DIAPH3: variants seen among roughly 807,000 people sequenced by gnomAD.
The protein encoded by DIAPH3 is diaphanous related formin 3, also known as protein diaphanous homolog 3.
In DIAPH3, 117 loss-of-function variants were observed where a neutral mutation model predicts 144.3. The observed-to-expected ratio is 0.81, with a 90% CI of 0.70 to 0.95. The LOEUF (loss-of-function observed/expected upper bound fraction) is 0.95. Among genes scored for constraint, DIAPH3 ranks in the 40% least tolerant of loss-of-function variants. DIAPH3 has a pLI of 0.00. For synonymous variants in DIAPH3, 519 were observed against 488.9 expected (o/e 1.06, Z -0.81); for missense variants, 1,421 against 1,412.7 (o/e 1.01, Z -0.09).
intron 12 of DIAPH3, among the ~76,000 whole-genome samples, chr13:59,988,782 T>C (rs1461372517): frequency 6.6e-6 from 1 of 151,886 alleles, no homozygotes; most frequent in African/African-American, 2.4e-5. Flanking sequence ...TTATCTCCCA[T>C]GCGCATTTAA....
chr13:60,136,880 C>T (rs1273070284), intron 1 of DIAPH3, among the ~76,000 whole-genome samples: 9 of 151,906 alleles, frequency 5.9e-5, no homozygotes, highest in Non-Finnish European at 1.0e-4. Flanking sequence ...GCGGAGCTTG[C>T]AGTGAGCCGA....
At chr13:59,689,305 G>A (rs1223883113) in intron 27 of DIAPH3, among the ~76,000 whole-genome samples, 1 of 151,768 alleles carries the variant, frequency 6.6e-6, no homozygotes, top group East Asian at 1.9e-4. Context: ...GCCTCCTGCT[G>A]TCCACACCCT....
intron 5 of DIAPH3, among the ~76,000 whole-genome samples, chr13:60,032,197 G>A (rs1220975750): frequency 6.6e-6 from 1 of 152,126 alleles, no homozygotes; most frequent in Non-Finnish European, 1.5e-5. Flanking sequence ...AGTGTCTATA[G>A]CTTTTCCAGG....
intron 25 of DIAPH3, among the ~76,000 whole-genome samples, chr13:59,809,614 T>C (rs1010264249): frequency 6.6e-6 from 1 of 152,124 alleles, no homozygotes; most frequent in Non-Finnish European, 1.5e-5. Flanking sequence ...AAATACTAAA[T>C]CTTTCTGATC....
In DIAPH3 at chr13:59,785,307, G is replaced by A. The variant is rs573133722; in HGVS notation, c.3164-10484C>T. Among the ~76,000 whole-genome samples, 8 of 152,228 alleles carry A rather than the reference G, an allele frequency of 5.3e-5. No individual in the cohort carries two copies. In the South Asian group the frequency reaches 1.7e-3, roughly 32 times the overall value. ...TTCATTAAATATATTTCTGTTACAA[G>A]TTAGGAGAAAAAATTAGAATATTTT... is the stretch of plus-strand genomic sequence containing the variant. On this transcript the variant is annotated intron_variant, in intron 25 of 27. Coordinates refer to ENST00000400324, the MANE Select transcript of DIAPH3 (RefSeq NM_001042517.2).
intron 27 of DIAPH3, among the ~76,000 whole-genome samples, chr13:59,740,760 A>G (rs913972929): frequency 1.3e-5 from 2 of 152,200 alleles, no homozygotes; most frequent in African/African-American, 4.8e-5. Context: ...CACTTGATCT[A>G]TATTAGAGAA....
chr13:59,718,612 G>A (rs2035181583), intron 27 of DIAPH3, among the ~76,000 whole-genome samples: 2 of 152,090 alleles, frequency 1.3e-5, no homozygotes. Flanking sequence ...AAATTGTTAT[G>A]TCTTCTAATA....
At chr13:59,864,889 T>C (rs1035187032) in intron 21 of DIAPH3, among the ~76,000 whole-genome samples, 3 of 152,146 alleles carry the variant, frequency 2.0e-5, no homozygotes, top group Middle Eastern at 3.4e-3. Context: ...ACAATATTCC[T>C]ATCATTTCAA....
chr13:59,732,452 T>C (rs2035935641), intron 27 of DIAPH3, among the ~76,000 whole-genome samples: 1 of 151,452 alleles, frequency 6.6e-6, no homozygotes, highest in South Asian at 2.1e-4. Context: ...TTTGGTACTT[T>C]TTTTTTTTGA....
intron 17 of DIAPH3, among the ~76,000 whole-genome samples, chr13:59,928,678 A>C (rs914565116): frequency 5.3e-5 from 8 of 152,178 alleles, no homozygotes; most frequent in Non-Finnish European, 1.0e-4. Flanking sequence ...TCAGTGGCTT[A>C]GGCTGCAGTT....
chr13:59,963,147 G>A (rs1010398234), intron 17 of DIAPH3, among the ~76,000 whole-genome samples: 2 of 152,016 alleles, frequency 1.3e-5, no homozygotes, highest in African/African-American at 4.8e-5. Flanking sequence ...TGAAAGCTGT[G>A]GTTAACAAAA....
chr13:59,882,511 C>T (rs1374427909), intron 20 of DIAPH3, among the ~76,000 whole-genome samples: 3 of 152,186 alleles, frequency 2.0e-5, no homozygotes, highest in African/African-American at 7.2e-5. Flanking sequence ...ATCCTCACCA[C>T]TTCTCATATT....
At chr13:59,766,468 C>CTT (rs2037862762) in intron 27 of DIAPH3, among the ~76,000 whole-genome samples, 1 of 152,102 alleles carries the variant, frequency 6.6e-6, no homozygotes, top group Non-Finnish European at 1.5e-5. Context: ...TCAGAGAAAA[C>CTT]AGGTGTTATC....
At chr13:59,819,637 A>G (rs1451010111) in intron 24 of DIAPH3, among the ~76,000 whole-genome samples, 2 of 151,942 alleles carry the variant, frequency 1.3e-5, no homozygotes, top group Non-Finnish European at 2.9e-5. Flanking sequence ...ACAAACAAAA[A>G]AAGGGTAATT....
chr13:59,732,597 C>T (rs887416231), intron 27 of DIAPH3, among the ~76,000 whole-genome samples: 1 of 151,718 alleles, frequency 6.6e-6, no homozygotes, highest in African/African-American at 2.4e-5. Flanking sequence ...GCACTCCAAC[C>T]CGGCCTGCTA....
At chr13:59,855,582 C>T (rs963421353) in intron 22 of DIAPH3, among the ~76,000 whole-genome samples, 2 of 151,794 alleles carry the variant, frequency 1.3e-5, no homozygotes, top group Non-Finnish European at 2.9e-5. Flanking sequence ...TACTAGATGA[C>T]TGCAGATAGT....
chr13:60,133,933 G>T (rs764124939), intron 1 of DIAPH3, among the ~76,000 whole-genome samples: 4 of 152,116 alleles, frequency 2.6e-5, no homozygotes, highest in Non-Finnish European at 5.9e-5. Context: ...AACAGACTAA[G>T]TGGTACACAG....
At chr13:59,929,215 A>G (rs376021223) in intron 17 of DIAPH3, among the ~76,000 whole-genome samples, 62 of 152,300 alleles carry the variant, frequency 4.1e-4, no homozygotes, top group African/African-American at 1.5e-3. Context: ...TTCTGGTCCA[A>G]AGCATTTCAG....
chr13:60,034,066 A>G (rs2055009095), intron 5 of DIAPH3, among the ~76,000 whole-genome samples: 1 of 152,236 alleles, frequency 6.6e-6, no homozygotes, highest in African/African-American at 2.4e-5. Context: ...ACAAGCCCAG[A>G]AAATTAATCT....
Sources: allele counts gnomAD v4.1 joint callset (sites outside exome capture counted in the v4.1 genomes callset), GRCh38; gene constraint gnomAD v4.1.1; transcripts MANE v1.5; gene names NCBI Gene and HGNC (gene_info 2026-07-23, HGNC 2026-07-21).